Variants in ALDH3B2 observed in about 807,000 individuals in gnomAD.
The protein encoded by ALDH3B2 is aldehyde dehydrogenase family 3 member B2.
A neutral mutation model predicts 36.7 loss-of-function variants in ALDH3B2; 45 were observed. The observed-to-expected ratio is 1.23, with a 90% CI of 0.97 to 1.57. The LOEUF (loss-of-function observed/expected upper bound fraction) is 1.57, where lower values mean the gene tolerates loss of function less well. ALDH3B2 is among the 40% of genes most tolerant of loss of function. The probability of loss-of-function intolerance (pLI) is 0.00; values close to 1 mark genes in which losing one functional copy is unlikely to be tolerated. For synonymous variants in ALDH3B2, 217 were observed against 226.5 expected (o/e 0.96, Z 0.38); for missense variants, 464 against 513.3 (o/e 0.90, Z 0.93).
chr11:67,665,706 T>C, intron 6 of ALDH3B2, 35 bp from the exon 7 acceptor site: 9 of 1,575,906 alleles, frequency 5.7e-6, no homozygotes, highest in Non-Finnish European at 7.8e-6. Context: ...GGCCAGTCAG[T>C]GACCTGGACC....
intron 1 of ALDH3B2, chr11:67,670,983 A>G (rs1003117498): frequency 6.6e-6 from 1 of 152,498 alleles, no homozygotes; most frequent in African/African-American, 2.4e-5. Context: ...CCCTGACCCA[A>G]AGCTTTGCCT....
At chr11:67,663,891 G>A (rs1432668834) in intron 8 of ALDH3B2, 130 bp from the exon 9 acceptor site, 7 of 718,308 alleles carry the variant, frequency 9.7e-6, no homozygotes, top group South Asian at 3.9e-5. Flanking sequence ...AATAATCTCC[G>A]CTCTAAGCAT....
At chr11:67,676,159 A>G (rs1022582016), upstream of ALDH3B2, among the ~76,000 whole-genome samples, 2 of 152,162 alleles carry the variant, frequency 1.3e-5, no homozygotes, top group African/African-American at 4.8e-5. Context: ...AGGCAGGAGA[A>G]TTGCTGGAAC....
exon 4 of ALDH3B2, chr11:67,666,682 C>A (rs1377343253): frequency 1.9e-6 from 3 of 1,614,140 alleles, no homozygotes; most frequent in Non-Finnish European, 2.5e-6. Flanking sequence ...AAGACCGAGT[C>A]CAGCTTCATG....
chr11:67,670,897 C>G (rs1473245477), intron 1 of ALDH3B2, among the ~76,000 whole-genome samples: 4 of 152,220 alleles, frequency 2.6e-5, no homozygotes, highest in African/African-American at 9.6e-5. Flanking sequence ...TGGGCTAGAA[C>G]CTGGGTGGGG....
intron 1 of ALDH3B2, among the ~76,000 whole-genome samples, chr11:67,670,783 A>C (rs1347756544): frequency 6.6e-6 from 1 of 152,202 alleles, no homozygotes; most frequent in Non-Finnish European, 1.5e-5. Flanking sequence ...TTCCTGGCAC[A>C]GGACCCCCAC....
chr11:67,680,326 T>C (rs1013423270), intron 1 of ALDH3B2, among the ~76,000 whole-genome samples: 8 of 151,968 alleles, frequency 5.3e-5, no homozygotes, highest in Non-Finnish European at 1.2e-4. Flanking sequence ...GAAAAAAGAG[T>C]ACCAGATTAT....
intron 4 of ALDH3B2, 24 bp from the exon 5 acceptor site, chr11:67,666,425 G>A (rs201752937): frequency 3.2e-5 from 52 of 1,608,204 alleles, no homozygotes; most frequent in East Asian, 1.6e-4. Flanking sequence ...TGGGGACGTC[G>A]TTGGGGGAGC....
upstream of ALDH3B2, among the ~76,000 whole-genome samples, chr11:67,677,486 C>T (rs868232557): frequency 2.0e-4 from 30 of 152,180 alleles, no homozygotes; most frequent in African/African-American, 5.3e-4. Context: ...GACAAAACCA[C>T]AGCCAACATA....
At chr11:67,675,378 G>A (rs557472249), upstream of ALDH3B2, among the ~76,000 whole-genome samples, 3 of 152,294 alleles carry the variant, frequency 2.0e-5, no homozygotes, top group East Asian at 3.9e-4. Context: ...AATGTTGCCC[G>A]CTAATGTTTC....
chr11:67,664,616 G>A, intron 7 of ALDH3B2, 54 bp from the exon 8 acceptor site: 1 of 1,599,764 alleles, frequency 6.3e-7, no homozygotes, highest in South Asian at 1.1e-5. Context: ...ACTGCCCCCA[G>A]GGGTAGGGTA....
chr11:67,666,780 C>G, intron 3 of ALDH3B2, 86 bp from the exon 4 acceptor site: 1 of 1,607,010 alleles, frequency 6.2e-7, no homozygotes, highest in Non-Finnish European at 8.5e-7. Context: ...GCTCCCTGTG[C>G]GATGGAATCC....
chr11:67,678,722 T>C (rs11823098), upstream of ALDH3B2, among the ~76,000 whole-genome samples: 6,812 of 150,156 alleles, frequency 0.045, 528 homozygotes, highest in African/African-American at 0.16. Flanking sequence ...TATATATATA[T>C]ACACGCTATG....
chr11:67,668,750 T>A lies in ALDH3B2; in HGVS notation c.-244-1115A>T, dbSNP rs1052548384. 3.6e-5 allele frequency among the ~76,000 whole-genome samples: 5 copies of A among 140,370 alleles called. No individual in the cohort carries two copies. The South Asian group carries it at 1.2e-3, about 33-fold the overall frequency. 92.1% of individuals were successfully genotyped at this position (140,370 alleles called of 152,430 possible). A position where few individuals can be genotyped will look rare whatever the true frequency, so the allele number is the denominator to read the frequency against. ...GTGTCTGTGTGTGTCTGTGTATGTA[T>A]GGGTGCTGTGTGTCTTTGTGTGTAT... On this transcript the variant is annotated intron_variant, in intron 1 of 9. Transcript: ENST00000349015.
intron 1 of ALDH3B2, among the ~76,000 whole-genome samples, chr11:67,674,152 G>C (rs1231482917): frequency 6.6e-6 from 1 of 152,170 alleles, no homozygotes; most frequent in Non-Finnish European, 1.5e-5. Context: ...GACGGGGTCT[G>C]TCCCCATCCC....
chr11:67,679,132 C>T (rs1856323082), upstream of ALDH3B2, among the ~76,000 whole-genome samples: 1 of 151,998 alleles, frequency 6.6e-6, no homozygotes, highest in South Asian at 2.1e-4. Context: ...AAAGAATTTA[C>T]TCATGTAACC....
In ALDH3B2 at chr11:67,663,276, G is replaced by T. The variant is rs1315639611; in HGVS notation, c.1097C>A (p.Thr366Asn). Residue 366 changes from threonine (T) to asparagine (N), a missense_variant, in exon 10 of 10, where the codon ACC (threonine) becomes AAC (asparagine). Thr to Asn is a moderately conservative substitution (Grantham distance 65, BLOSUM62 0). Transcript: ENST00000349015. ...GCGTAACAGCTGCTGGTTCCAGTCGGTATAGGGTGGGTAGTGGATCTCCTT... is the reference window on the plus strand; with the variant it reads ...GCGTAACAGCTGCTGGTTCCAGTCGTTATAGGGTGGGTAGTGGATCTCCTT... 9 of 1,613,978 alleles carry T rather than the reference G, an allele frequency of 5.6e-6. No homozygotes were observed. Among genetic ancestry groups the T allele is most frequent in the Non-Finnish European group, 7.6e-6 (9 of 1,179,966 alleles).
upstream of ALDH3B2, among the ~76,000 whole-genome samples, chr11:67,678,388 AAATGGTC>A (rs1856308646): frequency 6.6e-6 from 1 of 152,178 alleles, no homozygotes; most frequent in African/African-American, 2.4e-5. Context: ...CCTTTTCAAC[AAATGGTC>A]CTGGGATAAT....
At chr11:67,679,353 C>A (rs1321389379), upstream of ALDH3B2, among the ~76,000 whole-genome samples, 2 of 152,004 alleles carry the variant, frequency 1.3e-5, no homozygotes, top group African/African-American at 4.8e-5. Flanking sequence ...CACCTGTAAT[C>A]CCAGTTACTT....
Sources: allele counts gnomAD v4.1 joint callset (sites outside exome capture counted in the v4.1 genomes callset), GRCh38; gene constraint gnomAD v4.1.1; transcripts MANE v1.5; gene names NCBI Gene and HGNC (gene_info 2026-07-23, HGNC 2026-07-21).